DLGAP1: variants seen among roughly 807,000 people sequenced by gnomAD.
The protein encoded by DLGAP1 is DLG associated protein 1.
Under a neutral mutation model 90.8 loss-of-function variants are expected in DLGAP1, and 11 were observed. That is an observed-to-expected ratio of 0.12 (90% CI 0.08 to 0.20). The LOEUF (loss-of-function observed/expected upper bound fraction) is 0.20. Ranked by LOEUF, DLGAP1 falls within the 10% of genes least tolerant of loss-of-function variation. The pLI is 1.00. For missense variants in DLGAP1, 1,050 were observed against 1,333.8 expected (o/e 0.79, Z 3.31); for synonymous variants, 558 against 540.7 (o/e 1.03, Z -0.44).
chr18:4,307,403 T>C (rs2143390224), intron 1 of DLGAP1, among the ~76,000 whole-genome samples: 1 of 152,318 alleles, frequency 6.6e-6, no homozygotes, highest in South Asian at 2.1e-4. Context: ...GTTTCCACCT[T>C]TGAAATGCAT....
At chr18:3,702,041 TAATTA>T (rs2061295868) in intron 7 of DLGAP1, among the ~76,000 whole-genome samples, 1 of 152,224 alleles carries the variant, frequency 6.6e-6, no homozygotes, top group African/African-American at 2.4e-5. Flanking sequence ...TTATTTTAAT[TAATTA>T]AATTAATTAT....
intron 7 of DLGAP1, among the ~76,000 whole-genome samples, chr18:3,599,744 C>T (rs992334860): frequency 3.3e-5 from 5 of 152,130 alleles, no homozygotes; most frequent in Non-Finnish European, 2.9e-5. Context: ...CTCAGCCTCC[C>T]GAGTAGCTGG....
chr18:4,159,665 T>TA (rs967999293), intron 1 of DLGAP1, among the ~76,000 whole-genome samples: 19 of 151,464 alleles, frequency 1.3e-4, no homozygotes, highest in East Asian at 5.8e-4. Context: ...GGGTTGAATG[T>TA]AAAAAAAAAT....
chr18:4,375,028 T>A (rs2081987688), intron 1 of DLGAP1, among the ~76,000 whole-genome samples: 1 of 152,166 alleles, frequency 6.6e-6, no homozygotes, highest in Admixed American at 6.5e-5. Flanking sequence ...AACAAATAAT[T>A]AATGCATAAT....
At chr18:3,772,911 G>A (rs2064757934) in intron 5 of DLGAP1, among the ~76,000 whole-genome samples, 1 of 152,216 alleles carries the variant, frequency 6.6e-6, no homozygotes, top group East Asian at 1.9e-4. Flanking sequence ...ATTTGGCAGA[G>A]GGCCTCACCT....
chr18:4,115,861 C>G (rs955668322), intron 2 of DLGAP1, among the ~76,000 whole-genome samples: 1 of 152,174 alleles, frequency 6.6e-6, no homozygotes, highest in Non-Finnish European at 1.5e-5. Context: ...ATATTATAAA[C>G]TCACTAATAT....
At chr18:3,936,709 AATGT>A in intron 3 of DLGAP1, among the ~76,000 whole-genome samples, 1 of 152,350 alleles carries the variant, frequency 6.6e-6, no homozygotes, top group East Asian at 1.9e-4. Context: ...AAATGAGTGA[AATGT>A]TCTCAAAAAG....
At chr18:4,019,805 G>A (rs986304806) in intron 2 of DLGAP1, among the ~76,000 whole-genome samples, 27 of 144,512 alleles carry the variant, frequency 1.9e-4, no homozygotes, top group African/African-American at 4.7e-4. Flanking sequence ...ATAGGCGCGC[G>A]CGTGTGCGCG....
In DLGAP1 at chr18:4,117,086, A is replaced by G. The variant is rs145652336; in HGVS notation, c.-159+34094T>C. ...CCACTGGTGTCCTTCCAAAAAGAGG[A>G]GATTAGATACACACACAAAGGGAAG... is the stretch of plus-strand genomic sequence containing the variant. On this transcript the variant is annotated intron_variant, in intron 2 of 12. Transcript: ENST00000315677. Among the ~76,000 whole-genome samples, 442 of 152,268 alleles carry G rather than the reference A, an allele frequency of 2.9e-3. 2 individuals are homozygous for G. The highest frequency in any genetic ancestry group is 4.2e-3 in the Non-Finnish European group (287 of 68,026).
chr18:4,396,953 T>C (rs1001402978), intron 1 of DLGAP1, among the ~76,000 whole-genome samples: 69 of 152,130 alleles, frequency 4.5e-4, no homozygotes, highest in East Asian at 3.9e-4. Flanking sequence ...AAACAAAGGG[T>C]AAAGCTGCCA....
intron 7 of DLGAP1, among the ~76,000 whole-genome samples, chr18:3,585,947 C>T (rs1229828238): frequency 6.6e-6 from 1 of 152,182 alleles, no homozygotes; most frequent in Admixed American, 6.5e-5. Context: ...CATGACTGAC[C>T]TTGGGGACTG....
chr18:4,385,574 A>G (rs2082214077), intron 1 of DLGAP1, among the ~76,000 whole-genome samples: 1 of 152,128 alleles, frequency 6.6e-6, no homozygotes, highest in Admixed American at 6.6e-5. Context: ...CATTATATAA[A>G]TAAATAAAAC....
chr18:3,959,209 C>T (rs1228008476), intron 3 of DLGAP1, among the ~76,000 whole-genome samples: 3 of 151,886 alleles, frequency 2.0e-5, no homozygotes, highest in African/African-American at 7.3e-5. Flanking sequence ...TATTTCTGCT[C>T]AATATTTTAA....
intron 7 of DLGAP1, among the ~76,000 whole-genome samples, chr18:3,672,520 T>C (rs2060127610): frequency 7.6e-6 from 1 of 131,472 alleles, no homozygotes; most frequent in African/African-American, 2.8e-5. Context: ...GAGGTTGCGG[T>C]GAGCCAAGAT....
chr18:3,847,202 G>T (rs1366421860), intron 4 of DLGAP1, among the ~76,000 whole-genome samples: 1 of 152,098 alleles, frequency 6.6e-6, no homozygotes, highest in Non-Finnish European at 1.5e-5. Flanking sequence ...CTGAAAAAAA[G>T]AGATGTTATA....
chr18:3,543,477 T>C (rs533982376), intron 9 of DLGAP1, among the ~76,000 whole-genome samples: 45 of 152,260 alleles, frequency 3.0e-4, no homozygotes, highest in African/African-American at 1.1e-3. Context: ...ATGACTCCAA[T>C]ATTTTTCCAA....
At chr18:4,381,834 G>A (rs1274222252) in intron 1 of DLGAP1, among the ~76,000 whole-genome samples, 1 of 152,094 alleles carries the variant, frequency 6.6e-6, no homozygotes, top group Non-Finnish European at 1.5e-5. Context: ...ACATACCTGA[G>A]ACTGGGTAAT....
At chr18:3,981,288 A>C (rs2073722701) in intron 3 of DLGAP1, among the ~76,000 whole-genome samples, 1 of 152,256 alleles carries the variant, frequency 6.6e-6, no homozygotes, top group Admixed American at 6.5e-5. Context: ...GACACACTTC[A>C]GCACAACTCA....
intron 7 of DLGAP1, chr18:3,594,594 T>A (rs2056473184): frequency 6.6e-6 from 1 of 152,124 alleles, no homozygotes; most frequent in African/African-American, 2.4e-5. Flanking sequence ...CTTATCACCT[T>A]AACAAAAACT....
Sources: allele counts gnomAD v4.1 joint callset (sites outside exome capture counted in the v4.1 genomes callset), GRCh38; gene constraint gnomAD v4.1.1; transcripts MANE v1.5; gene names NCBI Gene and HGNC (gene_info 2026-07-23, HGNC 2026-07-21).